The following PARN variants were observed in gnomAD, a reference collection of about 807,000 sequenced individuals.
PARN encodes poly(A)-specific ribonuclease, also known as poly(A)-specific ribonuclease PARN.
PARN carries 71 observed loss-of-function variants against 102.8 expected under a neutral mutation model. That is an observed-to-expected ratio of 0.69 (90% CI 0.57 to 0.84). PARN has a LOEUF of 0.84. Ranked by LOEUF, PARN falls within the 40% of genes least tolerant of loss-of-function variation. The probability of loss-of-function intolerance (pLI) is 0.00; values close to 1 mark genes in which losing one functional copy is unlikely to be tolerated. For synonymous variants in PARN, 261 were observed against 252.9 expected, an observed-to-expected ratio of 1.03 and a Z score of -0.30; for missense variants, 782 against 760.9, an observed-to-expected ratio of 1.03 and a Z score of -0.33.
chr16:14,519,559 T>C (rs1965634260), intron 21 of PARN, among the ~76,000 whole-genome samples: 1 of 152,116 alleles, frequency 6.6e-6, no homozygotes, highest in African/African-American at 2.4e-5. Context: ...CATCTTGTCA[T>C]CTCAGAGGGC....
intron 23 of PARN, among the ~76,000 whole-genome samples, chr16:14,440,043 C>T (rs1217169186): frequency 1.3e-5 from 2 of 151,852 alleles, no homozygotes; most frequent in Admixed American, 1.3e-4. Flanking sequence ...CAACAACAAA[C>T]CACCACCACC....
chr16:14,458,343 TAATC>T (rs1961785220), intron 22 of PARN, among the ~76,000 whole-genome samples: 1 of 152,188 alleles, frequency 6.6e-6, no homozygotes, highest in Non-Finnish European at 1.5e-5. Flanking sequence ...ATTAGTAACA[TAATC>T]AAGGCTATAA....
chr16:14,628,181 C>G lies in PARN; in HGVS notation c.168G>C (p.Lys56Asn), dbSNP rs375964590. ...GFDTPEERYQ[K>N]LKKHSMDFLL... Reference sequence around the variant, plus strand: ...TAGCACATCCACTTGCCTTTTTAAGCTTCTGATACCTCTCTTCTGGAGTGT... The same window carrying G: ...TAGCACATCCACTTGCCTTTTTAAGGTTCTGATACCTCTCTTCTGGAGTGT... Residue 56 changes from lysine (K) to asparagine (N), a missense_variant, in exon 3 of 24, where the codon AAG (lysine) becomes AAC (asparagine). Coordinates refer to ENST00000437198, the MANE Select transcript of PARN (RefSeq NM_002582.4). 169 of 1,586,514 alleles carry G rather than the reference C, an allele frequency of 1.1e-4. No individual in the cohort carries two copies. The highest frequency in any genetic ancestry group is 1.4e-4 in the Non-Finnish European group (162 of 1,156,356).
chr16:14,564,041 C>G (rs1968271618), intron 18 of PARN, among the ~76,000 whole-genome samples: 1 of 152,078 alleles, frequency 6.6e-6, no homozygotes, highest in Non-Finnish European at 1.5e-5. Flanking sequence ...CCTTGGCCAC[C>G]ATGGAGGCCG....
intron 18 of PARN, among the ~76,000 whole-genome samples, chr16:14,556,894 T>C (rs1416339838): frequency 6.6e-6 from 1 of 152,156 alleles, no homozygotes; most frequent in Non-Finnish European, 1.5e-5. Context: ...TATTATCATT[T>C]AAAACACACT....
intron 22 of PARN, among the ~76,000 whole-genome samples, chr16:14,468,069 T>C (rs1348652385): frequency 6.6e-6 from 1 of 152,192 alleles, no homozygotes; most frequent in East Asian, 1.9e-4. Context: ...CCAAGGACTC[T>C]GGGTGGCACA....
intron 22 of PARN, among the ~76,000 whole-genome samples, chr16:14,480,624 AT>A (rs1963324073): frequency 6.6e-6 from 1 of 152,218 alleles, no homozygotes; most frequent in South Asian, 2.1e-4. Flanking sequence ...ATACTGTCTC[AT>A]TCCATCTAAG....
chr16:14,604,267 T>C, intron 10 of PARN, 41 bp from the exon 11 acceptor site: 2 of 1,317,488 alleles, frequency 1.5e-6, no homozygotes, highest in Non-Finnish European at 2.1e-6. Flanking sequence ...CTTTTCTTTT[T>C]CTTTTTTTTT....
intron 16 of PARN, among the ~76,000 whole-genome samples, chr16:14,583,792 T>C (rs1969671597): frequency 6.6e-6 from 1 of 152,174 alleles, no homozygotes; most frequent in South Asian, 2.1e-4. Flanking sequence ...TAGCACCTGG[T>C]AGGCTCTCCA....
intron 22 of PARN, among the ~76,000 whole-genome samples, chr16:14,476,366 T>C (rs902205893): frequency 5.9e-5 from 9 of 152,354 alleles, no homozygotes; most frequent in Non-Finnish European, 1.2e-4. Context: ...AAGCACTCAA[T>C]AGCCATGTGG....
At chr16:14,539,364 G>A (rs952560561) in intron 21 of PARN, among the ~76,000 whole-genome samples, 1 of 152,196 alleles carries the variant, frequency 6.6e-6, no homozygotes, top group African/African-American at 2.4e-5. Context: ...CTGTATCAAG[G>A]ACTTGGGAAT....
chr16:14,500,575 TA>T (rs1964535522), intron 21 of PARN, among the ~76,000 whole-genome samples: 1 of 152,144 alleles, frequency 6.6e-6, no homozygotes, highest in South Asian at 2.1e-4. Flanking sequence ...GTGGATTTTA[TA>T]AAGTACTCTC....
intron 5 of PARN, among the ~76,000 whole-genome samples, chr16:14,625,595 A>T (rs1972597621): frequency 1.3e-5 from 2 of 152,350 alleles, no homozygotes; most frequent in South Asian, 4.1e-4. Context: ...GTAAAGGTAA[A>T]ATGTCAACTG....
In PARN at chr16:14,618,152, T is replaced by C. The variant is rs193250774; in HGVS notation, c.328-502A>G. 1.3e-4 allele frequency among the ~76,000 whole-genome samples: 20 copies of C among 152,286 alleles called. No individual in the cohort carries two copies. The East Asian group carries it at 3.5e-3, about 26-fold the overall frequency. On this transcript the variant is annotated intron_variant, in intron 5 of 23. Coordinates refer to ENST00000437198, the MANE Select transcript of PARN (RefSeq NM_002582.4). Reference sequence around the variant, plus strand: ...GCAGGTCAGAACTTTGAGAACAGCCTGGTCAACATGGTGAAACCCTGTCTC... The same window carrying C: ...GCAGGTCAGAACTTTGAGAACAGCCCGGTCAACATGGTGAAACCCTGTCTC...
At chr16:14,470,140 C>A (rs1321612658) in intron 22 of PARN, among the ~76,000 whole-genome samples, 2 of 152,122 alleles carry the variant, frequency 1.3e-5, no homozygotes, top group Non-Finnish European at 2.9e-5. Context: ...AGCGTTCTAA[C>A]ACAACAAAGG....
chr16:14,541,908 T>C (rs773915302), intron 21 of PARN, among the ~76,000 whole-genome samples: 1 of 152,172 alleles, frequency 6.6e-6, no homozygotes, highest in Non-Finnish European at 1.5e-5. Context: ...AATTACTCAA[T>C]ATACAAAGAA....
chr16:14,623,836 CAAAA>C (rs1245560307), intron 5 of PARN, among the ~76,000 whole-genome samples: 1 of 108,376 alleles, frequency 9.2e-6, no homozygotes. Context: ...GGCTCCATCT[CAAAA>C]AAAAAAAAAA....
intron 18 of PARN, among the ~76,000 whole-genome samples, chr16:14,562,902 TATG>T (rs1968162734): frequency 6.6e-6 from 1 of 152,374 alleles, no homozygotes; most frequent in South Asian, 2.1e-4. Context: ...AAGGTTATTC[TATG>T]ATGACACAAT....
chr16:14,621,654 T>C (rs1359335041), intron 5 of PARN, among the ~76,000 whole-genome samples: 1 of 151,582 alleles, frequency 6.6e-6, no homozygotes, highest in African/African-American at 2.4e-5. Flanking sequence ...CTACTAAAAA[T>C]ACAAAAAATT....
Sources: gnomAD v4.1 joint callset for allele counts (sites outside exome capture counted in the v4.1 genomes callset) on GRCh38, gnomAD v4.1.1 for gene constraint, MANE v1.5 for transcripts, NCBI Gene and HGNC (gene_info 2026-07-23, HGNC 2026-07-21) for gene names.